The following DPP6 variants were observed in gnomAD, a reference collection of about 807,000 sequenced individuals.
DPP6 encodes the protein dipeptidyl peptidase like 6.
Under a neutral mutation model 122.6 loss-of-function variants are expected in DPP6, and 69 were observed. The ratio of observed to expected loss-of-function variants is 0.56; its 90% confidence interval spans 0.46 to 0.69. The LOEUF is 0.69. Ranked by LOEUF, DPP6 falls within the 30% of genes least tolerant of loss-of-function variation. The probability of loss-of-function intolerance (pLI) is 0.00; values close to 1 mark genes in which losing one functional copy is unlikely to be tolerated. For synonymous variants in DPP6, 418 were observed against 433.1 expected, an observed-to-expected ratio of 0.97 and a Z score of 0.43; for missense variants, 928 against 1,116.9, an observed-to-expected ratio of 0.83 and a Z score of 2.41.
At chr7:154,404,501 A>G (rs1041662032) in intron 1 of DPP6, among the ~76,000 whole-genome samples, 3 of 152,258 alleles carry the variant, frequency 2.0e-5, no homozygotes, top group Admixed American at 6.5e-5. Flanking sequence ...GAGTGCCCAT[A>G]TGAATCAATA....
At chr7:153,839,137 C>T in the DPP6 span, among the ~76,000 whole-genome samples, 4 of 152,272 alleles carry the variant, frequency 2.6e-5, no homozygotes, top group East Asian at 7.7e-4. Context: ...TAATGTGAAC[C>T]GTGGCATGTG....
chr7:153,918,992 A>AAG (rs1554407309), intron 1 of DPP6, among the ~76,000 whole-genome samples: 3 of 151,546 alleles, frequency 2.0e-5, no homozygotes, highest in Non-Finnish European at 4.4e-5. Flanking sequence ...AAAAAAAAAA[A>AAG]AAAAAGAAAA....
chr7:154,214,772 G>A (rs1799911536), intron 1 of DPP6, among the ~76,000 whole-genome samples: 1 of 152,118 alleles, frequency 6.6e-6, no homozygotes, highest in Non-Finnish European at 1.5e-5. Flanking sequence ...AAAGAAATTA[G>A]CCAGGTGTGG....
At chr7:154,124,787 A>T (rs1441001813) in intron 1 of DPP6, among the ~76,000 whole-genome samples, 2 of 152,190 alleles carry the variant, frequency 1.3e-5, no homozygotes, top group African/African-American at 4.8e-5. Flanking sequence ...GGGCCGGTGA[A>T]ACTGGGAGAT....
At chr7:154,171,184 A>C (rs373039033) in intron 1 of DPP6, among the ~76,000 whole-genome samples, 1 of 152,210 alleles carries the variant, frequency 6.6e-6, no homozygotes, top group Non-Finnish European at 1.5e-5. Context: ...TTTCTGCTCT[A>C]TCAGGTAAAG....
chr7:153,812,603 A>G, the DPP6 span, among the ~76,000 whole-genome samples: 1 of 152,190 alleles, frequency 6.6e-6, no homozygotes, highest in African/African-American at 2.4e-5. Flanking sequence ...TTTATTTTTC[A>G]GAATGAATGA....
chr7:154,181,922 T>C (rs1469463809), intron 1 of DPP6, among the ~76,000 whole-genome samples: 2 of 152,064 alleles, frequency 1.3e-5, no homozygotes, highest in African/African-American at 4.8e-5. Flanking sequence ...CTAATTTTTT[T>C]ATTTTTAGTA....
At chr7:153,957,120 G>C (rs551725757) in intron 1 of DPP6, among the ~76,000 whole-genome samples, 128 of 152,328 alleles carry the variant, frequency 8.4e-4, no homozygotes, top group African/African-American at 2.5e-3. Flanking sequence ...TGTTCTATCA[G>C]AGAGACAAGC....
intron 1 of DPP6, among the ~76,000 whole-genome samples, chr7:154,151,240 C>G (rs1430936106): frequency 6.6e-6 from 1 of 152,286 alleles, no homozygotes; most frequent in South Asian, 2.1e-4. Context: ...CCCCAGGATG[C>G]TTGCCCCAGG....
chr7:154,024,575 T>C (rs1798882850), intron 1 of DPP6, among the ~76,000 whole-genome samples: 1 of 152,152 alleles, frequency 6.6e-6, no homozygotes, highest in African/African-American at 2.4e-5. Context: ...AGGGAGCACG[T>C]TGAATTGGAA....
At chr7:154,440,550 T>C (rs1266880014) in intron 1 of DPP6, among the ~76,000 whole-genome samples, 1 of 152,174 alleles carries the variant, frequency 6.6e-6, no homozygotes, top group East Asian at 1.9e-4. Flanking sequence ...AGCTGCTGAT[T>C]TATATGTATC....
At chr7:154,208,505 C>G (rs554049291) in intron 1 of DPP6, among the ~76,000 whole-genome samples, 37 of 152,234 alleles carry the variant, frequency 2.4e-4, no homozygotes, top group Non-Finnish European at 4.0e-4. Context: ...AGTTATATTC[C>G]ACTCTGCCCA....
chr7:154,871,296 G>T (rs1804374945), intron 18 of DPP6, among the ~76,000 whole-genome samples: 1 of 152,164 alleles, frequency 6.6e-6, no homozygotes. Context: ...TGTCCAGCAG[G>T]GGGTTTCCTT....
the DPP6 span, among the ~76,000 whole-genome samples, chr7:153,809,040 C>T: frequency 1.3e-5 from 2 of 151,950 alleles, no homozygotes; most frequent in African/African-American, 4.8e-5. Flanking sequence ...CCCTTTTCTT[C>T]ACGTCCCCAC....
chr7:154,883,808 C>A (rs985024472), intron 21 of DPP6: 1 of 134,480 alleles, frequency 7.4e-6, no homozygotes, highest in Non-Finnish European at 1.6e-5. Context: ...CTCACGCACA[C>A]ATGCTCACAC....
intron 1 of DPP6, among the ~76,000 whole-genome samples, chr7:154,087,975 C>A (rs1171039391): frequency 6.6e-6 from 1 of 152,300 alleles, no homozygotes; most frequent in Non-Finnish European, 1.5e-5. Flanking sequence ...AGACCTGCTG[C>A]AGAGCCTGGT....
At chr7:154,737,355 T>C (rs1842615504) in intron 8 of DPP6, among the ~76,000 whole-genome samples, 2 of 152,216 alleles carry the variant, frequency 1.3e-5, no homozygotes, top group Admixed American at 1.3e-4. Flanking sequence ...AGCATTTGCC[T>C]ATTACCCGTG....
chr7:154,807,627 G>A (rs1048405424), intron 16 of DPP6, among the ~76,000 whole-genome samples: 7 of 152,158 alleles, frequency 4.6e-5, no homozygotes, highest in South Asian at 2.1e-4. Context: ...TTCGAGACCT[G>A]CCTGGCTAAC....
intron 1 of DPP6, among the ~76,000 whole-genome samples, chr7:154,027,254 A>C (rs1798993976): frequency 6.6e-6 from 1 of 151,984 alleles, no homozygotes; most frequent in Admixed American, 6.6e-5. Context: ...GAGGACTCTT[A>C]ACTAATAATA....
Sources: gnomAD v4.1 joint callset for allele counts (sites outside exome capture counted in the v4.1 genomes callset) on GRCh38, gnomAD v4.1.1 for gene constraint, MANE v1.5 for transcripts, NCBI Gene and HGNC (gene_info 2026-07-23, HGNC 2026-07-21) for gene names.